Variants in MRC1 observed in about 807,000 individuals in gnomAD.
MRC1 encodes the protein macrophage mannose receptor 1.
A neutral mutation model predicts 102.9 loss-of-function variants in MRC1; 62 were observed. That is an observed-to-expected ratio of 0.60 (90% CI 0.49 to 0.74). MRC1 has a LOEUF of 0.74. Ranked by LOEUF, MRC1 falls within the 30% of genes least tolerant of loss-of-function variation. The pLI, the probability that MRC1 is intolerant of heterozygous loss-of-function variation, is 0.00. For synonymous variants in MRC1, 457 were observed against 298.4 expected (o/e 1.53, Z -5.48); for missense variants, 1,237 against 862.8 (o/e 1.43, Z -5.43).
intron 28 of MRC1, 45 bp from the exon 29 acceptor site, chr10:17,909,261 G>C: frequency 1.2e-6 from 1 of 816,008 alleles, no homozygotes; most frequent in Non-Finnish European, 2.2e-6. Context: ...CTATCTACCT[G>C]CAATTATTCT....
chr10:17,908,717 C>T (rs1021997059), intron 28 of MRC1, among the ~76,000 whole-genome samples: 19 of 152,042 alleles, frequency 1.2e-4, no homozygotes, highest in South Asian at 8.3e-4. Flanking sequence ...TACAGGCGCA[C>T]GCCACTATGC....
chr10:17,866,481 G>A (rs1554841497), intron 11 of MRC1, 81 bp from the exon 12 acceptor site: 75 of 780,282 alleles, frequency 9.6e-5, no homozygotes, highest in South Asian at 6.0e-4. Context: ...CCTGATGCTC[G>A]GTTCTGAGTG....
intron 22 of MRC1, among the ~76,000 whole-genome samples, chr10:17,891,668 T>C (rs1405989687): frequency 6.6e-6 from 1 of 152,170 alleles, no homozygotes; most frequent in African/African-American, 2.4e-5. Context: ...AGACATTTAG[T>C]GTGAGGTTTC....
rs1269844745 is a variant in MRC1, at chr10:17,845,414, A to G, written c.1042A>G (p.Asn348Asp). ...YICKKGNTTLNSFVIPSESDV... is the reference protein window; with the variant it reads ...YICKKGNTTLDSFVIPSESDV... ...TTGCAAAAAGGGCAACACCACTTTA[A>G]ATTCTTTTGTTATTCCCTCAGGTAA... Residue 348 changes from asparagine (N) to aspartate (D), a missense_variant, in exon 6 of 30, where the codon AAT becomes GAT. Physicochemically the swap from Asn to Asp is conservative, Grantham distance 23 (BLOSUM62 1). Coordinates refer to ENST00000569591, the MANE Select transcript of MRC1 (RefSeq NM_002438.4). 1.3e-6 allele frequency: 1 copy of G among 780,920 alleles called. No individual in the cohort carries two copies. The highest frequency in any genetic ancestry group is 2.4e-6 in the Non-Finnish European group (1 of 417,968). 48.4% of individuals were successfully genotyped at this position (780,920 alleles called of 1,614,324 possible). A position where few individuals can be genotyped will look rare whatever the true frequency, so the allele number is the denominator to read the frequency against.
At chr10:17,851,683 T>A (rs905888420) in intron 7 of MRC1, among the ~76,000 whole-genome samples, 18 of 152,316 alleles carry the variant, frequency 1.2e-4, no homozygotes, top group African/African-American at 4.1e-4. Flanking sequence ...TCAATTTAAA[T>A]CTTTGAGGGG....
chr10:17,826,896 C>G (rs1838484398), intron 2 of MRC1, among the ~76,000 whole-genome samples: 1 of 152,150 alleles, frequency 6.6e-6, no homozygotes, highest in Non-Finnish European at 1.5e-5. Flanking sequence ...AAATGTCTAT[C>G]CTTCCTTATG....
chr10:17,814,762 C>T (rs943107938), intron 1 of MRC1, among the ~76,000 whole-genome samples: 2 of 149,994 alleles, frequency 1.3e-5, no homozygotes, highest in Admixed American at 6.7e-5. Flanking sequence ...CTCGGCTCAC[C>T]GCAACCTCTG....
Position 17,873,821 on chromosome 10 carries a change from A to G in MRC1, c.2382A>G (p.Gln794=). The change falls in exon 16 of 30, where the codon CAA becomes CAG. Residue 794 remains glutamine (Q), a synonymous_variant. Transcript: ENST00000569591. ...AACCTGAGCCAACACCAGCTCCTCA[A>G]GACAGTAGGTGTTTTCTTATTTTCT... ...TPKPEPTPAP[Q]DNPPVTEDGW... 1 of 872,598 alleles carries G rather than the reference A, an allele frequency of 1.1e-6. No homozygotes were observed. The highest frequency in any genetic ancestry group is 1.7e-5 in the Admixed American group (1 of 59,164). 54.1% of individuals were successfully genotyped at this position (872,598 alleles called of 1,614,324 possible).
At chr10:17,877,458 A>T (rs1833452507) in intron 17 of MRC1, among the ~76,000 whole-genome samples, 1 of 150,608 alleles carries the variant, frequency 6.6e-6, no homozygotes, top group Non-Finnish European at 1.5e-5. Flanking sequence ...ACTATTTTTC[A>T]TATATATATT....
rs1287789371 is a variant in MRC1 at position 17,911,040 on chromosome 10, GT to G, written c.*577del. 10 of 161,902 alleles carry G rather than the reference GT, an allele frequency of 6.2e-5. No individual in the cohort carries two copies. The highest frequency in any genetic ancestry group is 1.2e-4 in the Non-Finnish European group (9 of 73,094). The allele number at this position is 161,902 out of a possible 1,614,324, so 10.0% of individuals were successfully genotyped here. On this transcript the variant is annotated 3_prime_UTR_variant, in exon 30 of 30. Transcript: ENST00000569591. Reference sequence around the variant, plus strand: ...TTTACAGGCTGAGTGTTGCAAATGTGTTCTTTGTCCTGTTATATGTATATCA... The same window carrying G: ...TTTACAGGCTGAGTGTTGCAAATGTGTCTTTGTCCTGTTATATGTATATCA...
At chr10:17,867,193 T>TA (rs1254717876) in intron 12 of MRC1, among the ~76,000 whole-genome samples, 2 of 145,316 alleles carry the variant, frequency 1.4e-5, no homozygotes, top group African/African-American at 5.1e-5. Flanking sequence ...TTTTCTCCCT[T>TA]CCTCCTGTCT....
intron 22 of MRC1, among the ~76,000 whole-genome samples, chr10:17,886,850 C>T (rs1169702387): frequency 5.9e-5 from 9 of 152,102 alleles, no homozygotes; most frequent in Non-Finnish European, 1.2e-4. Context: ...GCTTTGAATA[C>T]AGCAGGAGTT....
intron 1 of MRC1, among the ~76,000 whole-genome samples, chr10:17,809,732 G>A (rs1400683921): frequency 6.6e-6 from 1 of 152,170 alleles, no homozygotes; most frequent in Non-Finnish European, 1.5e-5. Flanking sequence ...GGAGGAGGAT[G>A]CGTCTCAGGT....
rs1838499626 is a variant in MRC1, at chr10:17,827,532, GT to G, written c.464-5del. Reference sequence around the variant, plus strand: ...TCACATTCCAAGTTCAAGTCAATATGTTTTTCCAGCCATGTATACGCTACTA... The same window carrying G: ...TCACATTCCAAGTTCAAGTCAATATGTTTTCCAGCCATGTATACGCTACTA... On this transcript the variant is annotated splice_polypyrimidine_tract_variant and intron_variant, in intron 2 of 29. Coordinates refer to ENST00000569591, the MANE Select transcript of MRC1 (RefSeq NM_002438.4). 2.6e-6 allele frequency: 2 copies of G among 779,300 alleles called. No homozygotes were observed. The highest frequency in any genetic ancestry group is 3.4e-5 in the Admixed American group (2 of 58,944). 48.3% of individuals were successfully genotyped at this position (779,300 alleles called of 1,614,324 possible).
At chr10:17,827,462 C>T (rs1838498426) in intron 2 of MRC1, 80 bp from the exon 3 acceptor site, 1 of 638,808 alleles carries the variant, frequency 1.6e-6, no homozygotes, top group Admixed American at 1.9e-5. Context: ...AGACCAATTC[C>T]TTCAGTAGGC....
At chr10:17,897,066 T>A (rs987739070) in intron 23 of MRC1, among the ~76,000 whole-genome samples, 3 of 152,218 alleles carry the variant, frequency 2.0e-5, no homozygotes, top group Non-Finnish European at 4.4e-5. Flanking sequence ...CAGTAAGACT[T>A]TATTTATGGA....
rs909265223 is a variant in MRC1 at position 17,866,072 on chromosome 10, G to A, written c.1784-490G>A. Among the ~76,000 whole-genome samples, 88 of 152,278 alleles carry A rather than the reference G, an allele frequency of 5.8e-4. 1 individual carries two copies. The highest frequency in any genetic ancestry group is 2.0e-3 in the African/African-American group (83 of 41,554). On this transcript the variant is annotated intron_variant, in intron 11 of 29. Coordinates refer to ENST00000569591, the MANE Select transcript of MRC1 (RefSeq NM_002438.4). The stretch of plus-strand genomic sequence containing the variant: ...GCATTCCTTACAGTTCTATGAGGCA[G>A]GTCTTGGTATTTGCATTTGGAGAGG...
At chr10:17,820,377 A>G (rs1416852583) in intron 1 of MRC1, among the ~76,000 whole-genome samples, 1 of 152,252 alleles carries the variant, frequency 6.6e-6, no homozygotes, top group African/African-American at 2.4e-5. Context: ...AGAAGTTTGG[A>G]TGTTACTCAT....
At chr10:17,813,886 A>G (rs1334117293) in intron 1 of MRC1, among the ~76,000 whole-genome samples, 1 of 151,446 alleles carries the variant, frequency 6.6e-6, no homozygotes, top group Non-Finnish European at 1.5e-5. Flanking sequence ...TTTTGTAGAG[A>G]TGGGGTTTTG....
Sources: allele counts gnomAD v4.1 joint callset (sites outside exome capture counted in the v4.1 genomes callset), GRCh38; gene constraint gnomAD v4.1.1; transcripts MANE v1.5; gene names NCBI Gene and HGNC (gene_info 2026-07-23, HGNC 2026-07-21).